The following GRM8 variants were observed in gnomAD, a reference collection of about 807,000 sequenced individuals.
GRM8 encodes the protein metabotropic glutamate receptor 8.
Under a neutral mutation model 87.2 loss-of-function variants are expected in GRM8, and 47 were observed. That is an observed-to-expected ratio of 0.54 (90% CI 0.43 to 0.69). The LOEUF is 0.69. Ranked by LOEUF, GRM8 falls within the 30% of genes least tolerant of loss-of-function variation. The pLI is 0.00. For missense variants in GRM8, 1,019 were observed against 1,139.2 expected (o/e 0.89, Z 1.52); for synonymous variants, 396 against 404.5 (o/e 0.98, Z 0.25).
At chr7:126,570,498 C>T (rs777281047) in intron 8 of GRM8, among the ~76,000 whole-genome samples, 7 of 152,256 alleles carry the variant, frequency 4.6e-5, no homozygotes, top group Non-Finnish European at 7.3e-5. Context: ...TCCTGTACTC[C>T]TAGACAGCAA....
At chr7:127,008,294 C>T (rs1011023966) in intron 3 of GRM8, among the ~76,000 whole-genome samples, 1 of 152,084 alleles carries the variant, frequency 6.6e-6, no homozygotes, top group Admixed American at 6.6e-5. Context: ...CCATAACCCT[C>T]ATGTTGCACC....
intron 6 of GRM8, among the ~76,000 whole-genome samples, chr7:126,800,440 T>C (rs942788241): frequency 2.6e-4 from 40 of 152,264 alleles, no homozygotes; most frequent in African/African-American, 8.2e-4. Context: ...AATGCAGCCA[T>C]GCCCTAGTTC....
chr7:126,802,096 G>C (rs79893992), intron 6 of GRM8, among the ~76,000 whole-genome samples: 42 of 152,254 alleles, frequency 2.8e-4, no homozygotes, highest in Non-Finnish European at 5.4e-4. Context: ...TGTACAAAAT[G>C]ATGTTTTGGT....
At chr7:126,742,639 C>T (rs1012679291) in intron 7 of GRM8, among the ~76,000 whole-genome samples, 3 of 151,806 alleles carry the variant, frequency 2.0e-5, no homozygotes, top group African/African-American at 7.3e-5. Flanking sequence ...TGGAATATAA[C>T]CGACAAACCA....
Position 126,650,023 on chromosome 7 carries a change from G to A in GRM8, c.1358-40525C>T, listed in dbSNP as rs115263897. ...CTGCAGATAACTACTCTCCTTTTGAGAGATAGCTCTTGTCCCGTTACTGGG... is the reference window on the plus strand; with the variant it reads ...CTGCAGATAACTACTCTCCTTTTGAAAGATAGCTCTTGTCCCGTTACTGGG... On this transcript the variant is annotated intron_variant, in intron 7 of 10. Transcript: ENST00000339582. Among the ~76,000 whole-genome samples the A allele has an allele frequency of 9.6e-3, 1,464 of 152,316 alleles. 23 individuals are homozygous for A. Among genetic ancestry groups the A allele is most frequent in the African/African-American group, 0.034 (1,394 of 41,560 alleles).
At chr7:126,729,360 G>T (rs2151478332) in intron 7 of GRM8, among the ~76,000 whole-genome samples, 1 of 152,296 alleles carries the variant, frequency 6.6e-6, no homozygotes, top group South Asian at 2.1e-4. Context: ...AAACTCCAGG[G>T]AATGGCCTTC....
chr7:126,467,961 A>T lies in GRM8; in HGVS notation c.2431-21589T>A, dbSNP rs187315254. On this transcript the variant is annotated intron_variant, in intron 9 of 10. Coordinates refer to ENST00000339582, the MANE Select transcript of GRM8 (RefSeq NM_000845.3). ...TTTTTAAATCATTTTCCAGCCATAG[A>T]TATAGTGGCAAATGATTTAATATAA... is the stretch of plus-strand genomic sequence containing the variant. Among the ~76,000 whole-genome samples the T allele has an allele frequency of 2.6e-4, 40 of 152,178 alleles. 1 individual carries two copies. In the East Asian group the frequency reaches 7.8e-3, roughly 30 times the overall value.
At chr7:127,141,207 G>C (rs1334714544) in intron 2 of GRM8, among the ~76,000 whole-genome samples, 1 of 151,914 alleles carries the variant, frequency 6.6e-6, no homozygotes, top group Non-Finnish European at 1.5e-5. Flanking sequence ...TTAGCCTGCT[G>C]GTCTCTTTCT....
At chr7:127,174,070 C>T (rs563166675) in intron 2 of GRM8, among the ~76,000 whole-genome samples, 1 of 152,272 alleles carries the variant, frequency 6.6e-6, no homozygotes, top group African/African-American at 2.4e-5. Context: ...CAGCAACACA[C>T]ACACGCACCC....
chr7:126,594,825 A>T (rs1198591479), intron 8 of GRM8, among the ~76,000 whole-genome samples: 1 of 152,194 alleles, frequency 6.6e-6, no homozygotes, highest in Non-Finnish European at 1.5e-5. Context: ...CATGTTGTAC[A>T]TAATAAATAC....
intron 6 of GRM8, among the ~76,000 whole-genome samples, chr7:126,825,090 C>T (rs1263942772): frequency 1.3e-5 from 2 of 152,044 alleles, no homozygotes; most frequent in East Asian, 3.9e-4. Context: ...TTTTTCGAGA[C>T]ACAGTCCCAT....
At chr7:127,233,254 T>G (rs920358602) in intron 2 of GRM8, among the ~76,000 whole-genome samples, 2 of 152,174 alleles carry the variant, frequency 1.3e-5, no homozygotes, top group Non-Finnish European at 2.9e-5. Flanking sequence ...GAGCCCAACC[T>G]ATTTCATATA....
chr7:126,558,361 C>T (rs1167924584), intron 8 of GRM8, among the ~76,000 whole-genome samples: 1 of 151,948 alleles, frequency 6.6e-6, no homozygotes, highest in African/African-American at 2.4e-5. Flanking sequence ...TCTAATTTGC[C>T]AAGGGCCATG....
intron 7 of GRM8, among the ~76,000 whole-genome samples, chr7:126,638,188 T>G (rs1802042198): frequency 6.6e-6 from 1 of 152,172 alleles, no homozygotes; most frequent in Non-Finnish European, 1.5e-5. Context: ...TTTAGTTTTG[T>G]AAACTGGGTT....
chr7:127,065,966 G>A (rs17866102), intron 3 of GRM8, among the ~76,000 whole-genome samples: 1,689 of 152,188 alleles, frequency 0.011, 25 homozygotes, highest in African/African-American at 0.038. Context: ...AATCATTCAC[G>A]ATTCTGAAAC....
chr7:127,165,122 G>C (rs1793355808), intron 2 of GRM8, among the ~76,000 whole-genome samples: 1 of 119,238 alleles, frequency 8.4e-6, no homozygotes, highest in South Asian at 2.8e-4. Flanking sequence ...AGGAGAGGCA[G>C]ATAATAAACA....
At chr7:127,024,042 G>A (rs961704820) in intron 3 of GRM8, among the ~76,000 whole-genome samples, 2 of 152,090 alleles carry the variant, frequency 1.3e-5, no homozygotes, top group African/African-American at 4.8e-5. Context: ...GGCTAGGCCT[G>A]TAAATAAAGT....
Position 126,438,959 on chromosome 7 carries a change from G to A in GRM8, c.*160C>T. On this transcript the variant is annotated 3_prime_UTR_variant, in exon 11 of 11. Coordinates refer to ENST00000339582, the MANE Select transcript of GRM8 (RefSeq NM_000845.3). ...CGGGTTTCTTCACTCCCCGTTTATT[G>A]ATACTTTTGGCTCATGGCTAATTTT... The A allele has an allele frequency of 1.7e-6, 1 of 595,566 alleles. No homozygotes were observed. The highest frequency in any genetic ancestry group is 3.0e-6 in the Non-Finnish European group (1 of 330,110). The allele number at this position is 595,566 out of a possible 1,614,324, so 36.9% of individuals were successfully genotyped here.
At chr7:126,813,484 C>T (rs1266235026) in intron 6 of GRM8, among the ~76,000 whole-genome samples, 4 of 152,068 alleles carry the variant, frequency 2.6e-5, no homozygotes, top group African/African-American at 9.7e-5. Flanking sequence ...GAATAACTTC[C>T]AATGGATATG....
Sources: allele counts gnomAD v4.1 joint callset (sites outside exome capture counted in the v4.1 genomes callset), GRCh38; gene constraint gnomAD v4.1.1; transcripts MANE v1.5; gene names NCBI Gene and HGNC (gene_info 2026-07-23, HGNC 2026-07-21).